Variants in PPARGC1A observed in about 807,000 individuals in gnomAD.
PPARGC1A encodes PPARG coactivator 1 alpha, also known as peroxisome proliferator-activated receptor gamma coactivator 1-alpha.
In PPARGC1A, 25 loss-of-function variants were observed where a neutral mutation model predicts 88.7. The observed-to-expected ratio is 0.28, with a 90% CI of 0.21 to 0.39. The LOEUF is 0.39. PPARGC1A is among the 10% of genes least tolerant of loss of function. PPARGC1A has a pLI of 1.00. For synonymous variants in PPARGC1A, 363 were observed against 355.6 expected (o/e 1.02, Z -0.24); for missense variants, 880 against 968.7 (o/e 0.91, Z 1.22).
At chr4:24,153,683 AT>A in the PPARGC1A span, among the ~76,000 whole-genome samples, 1 of 152,218 alleles carries the variant, frequency 6.6e-6, no homozygotes, top group South Asian at 2.1e-4. Flanking sequence ...CTTCATTCAC[AT>A]GAAAATCTGA....
At chr4:24,221,261 A>G in the PPARGC1A span, among the ~76,000 whole-genome samples, 1 of 152,322 alleles carries the variant, frequency 6.6e-6, no homozygotes, top group Non-Finnish European at 1.5e-5. Flanking sequence ...TATTAGTATT[A>G]GCCAATTTAT....
the PPARGC1A span, among the ~76,000 whole-genome samples, chr4:24,468,567 T>A: frequency 6.6e-6 from 1 of 152,194 alleles, no homozygotes; most frequent in Non-Finnish European, 1.5e-5. Context: ...TCGGCTCTAA[T>A]ACACATTGGG....
the PPARGC1A span, among the ~76,000 whole-genome samples, chr4:24,266,960 C>T: frequency 1.3e-5 from 2 of 152,092 alleles, no homozygotes; most frequent in Admixed American, 1.3e-4. Flanking sequence ...TCCTCAAGTA[C>T]TTTTTTCCCT....
chr4:23,860,132 T>C (rs1010346513), intron 2 of PPARGC1A, among the ~76,000 whole-genome samples: 2 of 151,806 alleles, frequency 1.3e-5, no homozygotes, highest in Non-Finnish European at 2.9e-5. Context: ...ATTAGCCAAG[T>C]GTGGTGGCAC....
chr4:24,166,673 G>A, the PPARGC1A span, among the ~76,000 whole-genome samples: 4 of 152,164 alleles, frequency 2.6e-5, no homozygotes, highest in African/African-American at 9.7e-5. Flanking sequence ...GGGCCCTTAA[G>A]AATCATGCTA....
the PPARGC1A span, among the ~76,000 whole-genome samples, chr4:24,249,789 C>T: frequency 3.3e-5 from 5 of 152,262 alleles, no homozygotes; most frequent in South Asian, 4.1e-4. Context: ...AACTATACTA[C>T]GTCCCTAAGC....
chr4:24,135,184 C>T, the PPARGC1A span, among the ~76,000 whole-genome samples: 1 of 152,066 alleles, frequency 6.6e-6, no homozygotes, highest in African/African-American at 2.4e-5. Flanking sequence ...AAATGGCTAT[C>T]CTATGTGCAA....
chr4:23,996,353 T>C, the PPARGC1A span, among the ~76,000 whole-genome samples: 6 of 152,184 alleles, frequency 3.9e-5, no homozygotes, highest in African/African-American at 1.4e-4. Context: ...ATATAGCGGC[T>C]TCTGCAGGTG....
At chr4:23,866,114 A>G (rs1436991480) in intron 2 of PPARGC1A, 1 of 152,258 alleles carries the variant, frequency 6.6e-6, no homozygotes, top group Non-Finnish European at 1.5e-5. Context: ...GAAAGATACC[A>G]GGAATAGCCA....
At chr4:24,291,612 A>G in the PPARGC1A span, among the ~76,000 whole-genome samples, 13 of 152,316 alleles carry the variant, frequency 8.5e-5, no homozygotes, top group Admixed American at 7.8e-4. Context: ...CATGTCTCCA[A>G]ACACACAGCT....
At chr4:24,057,905 A>G in the PPARGC1A span, among the ~76,000 whole-genome samples, 1 of 152,166 alleles carries the variant, frequency 6.6e-6, no homozygotes, top group Non-Finnish European at 1.5e-5. Flanking sequence ...TCCCAAAGCA[A>G]TGGGCTCTGA....
At chr4:24,285,536 T>C in the PPARGC1A span, among the ~76,000 whole-genome samples, 3 of 152,158 alleles carry the variant, frequency 2.0e-5, no homozygotes, top group Non-Finnish European at 1.5e-5. Flanking sequence ...GCGAGTGTTG[T>C]CATGTACTAC....
At chr4:24,261,664 T>C in the PPARGC1A span, among the ~76,000 whole-genome samples, 4 of 152,362 alleles carry the variant, frequency 2.6e-5, no homozygotes, top group South Asian at 8.3e-4. Context: ...TGTAATTGAG[T>C]AAACACCACT....
the PPARGC1A span, among the ~76,000 whole-genome samples, chr4:24,424,241 G>A: frequency 8.0e-6 from 1 of 125,240 alleles, no homozygotes; most frequent in Non-Finnish European, 1.6e-5. Context: ...GTATGAAAGA[G>A]CAATGCTATA....
At chr4:24,187,333 A>C in the PPARGC1A span, among the ~76,000 whole-genome samples, 1 of 151,992 alleles carries the variant, frequency 6.6e-6, no homozygotes, top group African/African-American at 2.4e-5. Flanking sequence ...TATACAGATA[A>C]AAACACTGAG....
chr4:24,049,320 A>ATG, the PPARGC1A span, among the ~76,000 whole-genome samples: 1 of 145,486 alleles, frequency 6.9e-6, no homozygotes, highest in African/African-American at 2.6e-5. Context: ...ATATATATAT[A>ATG]TATGTGTGTG....
At chr4:24,140,331 C>T in the PPARGC1A span, among the ~76,000 whole-genome samples, 4 of 152,302 alleles carry the variant, frequency 2.6e-5, no homozygotes, top group South Asian at 2.1e-4. Context: ...GGAAAGCATT[C>T]GTCTTGGGTC....
the PPARGC1A span, among the ~76,000 whole-genome samples, chr4:24,369,323 G>A: frequency 6.6e-6 from 1 of 152,102 alleles, no homozygotes; most frequent in Non-Finnish European, 1.5e-5. Flanking sequence ...GAGAATAGTT[G>A]CTTGATGAGG....
At chr4:23,977,844 TA>T in the PPARGC1A span, among the ~76,000 whole-genome samples, 8 of 152,196 alleles carry the variant, frequency 5.3e-5, no homozygotes, top group African/African-American at 1.9e-4. Context: ...GTCAAAAATT[TA>T]AAGGTAAAAA....
Sources: gnomAD v4.1 joint callset for allele counts (sites outside exome capture counted in the v4.1 genomes callset) on GRCh38, gnomAD v4.1.1 for gene constraint, MANE v1.5 for transcripts, NCBI Gene and HGNC (gene_info 2026-07-23, HGNC 2026-07-21) for gene names.